The following LNPK variants were observed in gnomAD, a reference collection of about 807,000 sequenced individuals.
The protein encoded by LNPK is lunapark, ER junction formation factor, also known as endoplasmic reticulum junction formation protein lunapark.
In LNPK, 29 loss-of-function variants were observed where a neutral mutation model predicts 55.2. The ratio of observed to expected loss-of-function variants is 0.53; its 90% CI spans 0.39 to 0.72. LNPK has a LOEUF of 0.72. Among genes scored for constraint, LNPK ranks in the 30% least tolerant of loss-of-function variants. LNPK has a pLI of 0.00. For missense variants in LNPK, 467 were observed against 494.8 expected (o/e 0.94, Z 0.53); for synonymous variants, 162 against 168.2 (o/e 0.96, Z 0.29).
intron 4 of LNPK, among the ~76,000 whole-genome samples, chr2:175,991,711 A>G (rs1687709686): frequency 6.6e-6 from 1 of 152,228 alleles, no homozygotes; most frequent in Non-Finnish European, 1.5e-5. Flanking sequence ...TGACTGAATA[A>G]ACAAACTTTT....
At position 175,929,935 on chromosome 2, in the gene LNPK, A is replaced by C. The variant is rs763169494; in HGVS notation, c.*32T>G. On this transcript the variant is annotated 3_prime_UTR_variant, in exon 13 of 13. Transcript: ENST00000272748. ...AATAACTGACATCAGTAAGACTATA[A>C]ATATCCAGTTGAAGGCACGTGGAAG... The C allele has an allele frequency of 1.4e-5, 22 of 1,612,520 alleles. No individual in the cohort carries two copies. Among genetic ancestry groups the C allele is most frequent in the Non-Finnish European group, 1.9e-5 (22 of 1,179,104 alleles).
rs576271279 is a variant in LNPK at position 175,930,339 on chromosome 2, A to C, written c.1055-140T>G. ...ACACAAAGAAACCATACAATTGTCT[A>C]ACATTATCCTTAAAATCTTTTACAA... On this transcript the variant is annotated intron_variant, in intron 12 of 12. Transcript: ENST00000272748. The C allele has an allele frequency of 2.2e-4, 148 of 660,906 alleles. No homozygotes were observed. The East Asian group carries it at 4.0e-3, about 18-fold the overall frequency. 40.9% of individuals were successfully genotyped at this position (660,906 alleles called of 1,614,324 possible). A position where few individuals can be genotyped will look rare whatever the true frequency, so the allele number is the denominator to read the frequency against.
In LNPK at chr2:175,927,346, CATT is replaced by C. The variant is rs1245679111; in HGVS notation, c.*2618_*2620del. ...AAAATAAGACCCTTGCACAAACGGACATTATGTTGTGAAGACAGTAAACTAGCA... is the reference window on the plus strand; with the variant it reads ...AAAATAAGACCCTTGCACAAACGGACATGTTGTGAAGACAGTAAACTAGCA... On this transcript the variant is annotated 3_prime_UTR_variant, in exon 13 of 13. Coordinates refer to ENST00000272748, the MANE Select transcript of LNPK (RefSeq NM_030650.3). 2.0e-5 allele frequency: 3 copies of C among 152,316 alleles called. No individual in the cohort carries two copies. Among genetic ancestry groups the C allele is most frequent in the African/African-American group, 7.2e-5 (3 of 41,564 alleles). 9.4% of individuals were successfully genotyped at this position (152,316 alleles called of 1,614,324 possible). A position where few individuals can be genotyped will look rare whatever the true frequency, so the allele number is the denominator to read the frequency against.
intron 12 of LNPK, among the ~76,000 whole-genome samples, chr2:175,935,388 A>G (rs967420163): frequency 1.2e-4 from 19 of 152,174 alleles, no homozygotes; most frequent in African/African-American, 4.1e-4. Flanking sequence ...ATAGTTCAAT[A>G]TACTCATAAG....
intron 9 of LNPK, among the ~76,000 whole-genome samples, chr2:175,946,898 T>C (rs1477129612): frequency 6.6e-6 from 1 of 152,030 alleles, no homozygotes; most frequent in Non-Finnish European, 1.5e-5. Context: ...AATGGGATCT[T>C]CCCCTAGAGA....
chr2:175,967,148 A>T, intron 6 of LNPK, among the ~76,000 whole-genome samples: 1 of 152,300 alleles, frequency 6.6e-6, no homozygotes, highest in Non-Finnish European at 1.5e-5. Context: ...TTAAAACATT[A>T]TAACATTTTT....
intron 9 of LNPK, among the ~76,000 whole-genome samples, chr2:175,940,478 A>C (rs2105538932): frequency 6.6e-6 from 1 of 152,316 alleles, no homozygotes; most frequent in Admixed American, 6.5e-5. Context: ...GCATTCATAC[A>C]GGGCCAAGAA....
intron 9 of LNPK, among the ~76,000 whole-genome samples, chr2:175,945,935 T>C (rs1400192098): frequency 6.6e-6 from 1 of 152,176 alleles, no homozygotes; most frequent in Non-Finnish European, 1.5e-5. Context: ...TTCAAACATA[T>C]GGGAGCTCTG....
At chr2:175,986,315 T>C (rs1427490881) in intron 4 of LNPK, among the ~76,000 whole-genome samples, 1 of 152,050 alleles carries the variant, frequency 6.6e-6, no homozygotes, top group African/African-American at 2.4e-5. Context: ...TAACATTCTC[T>C]GAGAGCAATA....
intron 8 of LNPK, among the ~76,000 whole-genome samples, chr2:175,964,134 AC>A (rs1417623880): frequency 6.6e-6 from 1 of 152,214 alleles, no homozygotes; most frequent in Admixed American, 6.5e-5. Flanking sequence ...AAAGATTAAA[AC>A]CAATGATATA....
At chr2:175,953,650 C>T (rs956543830) in intron 8 of LNPK, among the ~76,000 whole-genome samples, 2 of 151,480 alleles carry the variant, frequency 1.3e-5, no homozygotes, top group South Asian at 4.2e-4. Flanking sequence ...TTTTCCCCAA[C>T]GCTATTGCTG....
At chr2:175,999,487 C>T (rs977778506) in intron 1 of LNPK, among the ~76,000 whole-genome samples, 2 of 152,228 alleles carry the variant, frequency 1.3e-5, no homozygotes, top group Non-Finnish European at 2.9e-5. Context: ...AGTGATTGCT[C>T]AATACAAACT....
intron 5 of LNPK, among the ~76,000 whole-genome samples, chr2:175,971,631 C>T (rs566173503): frequency 6.6e-6 from 1 of 152,098 alleles, no homozygotes; most frequent in Admixed American, 6.5e-5. Context: ...CCTGAATACC[C>T]AACTCAAAGT....
chr2:175,961,504 C>G (rs1232450106), intron 8 of LNPK, among the ~76,000 whole-genome samples: 5 of 152,118 alleles, frequency 3.3e-5, no homozygotes, highest in Non-Finnish European at 2.9e-5. Context: ...ATTCAACAGC[C>G]CTTCATGCTA....
intron 4 of LNPK, among the ~76,000 whole-genome samples, chr2:175,991,267 T>C (rs1687686443): frequency 6.6e-6 from 1 of 152,076 alleles, no homozygotes; most frequent in African/African-American, 2.4e-5. Flanking sequence ...TGAAAAAAGA[T>C]AAGGGAAACA....
At chr2:175,954,857 G>A (rs1027823016) in intron 8 of LNPK, among the ~76,000 whole-genome samples, 1 of 152,134 alleles carries the variant, frequency 6.6e-6, no homozygotes, top group African/African-American at 2.4e-5. Context: ...CATTGAAGGG[G>A]ATTCAGAGTT....
intron 8 of LNPK, among the ~76,000 whole-genome samples, chr2:175,962,437 A>G (rs1306238762): frequency 1.3e-5 from 2 of 152,208 alleles, no homozygotes; most frequent in Non-Finnish European, 2.9e-5. Flanking sequence ...AAACCTGACA[A>G]AAACAAGAAA....
chr2:175,964,623 T>C (rs779814902), intron 6 of LNPK, 34 bp from the exon 7 acceptor site: 1 of 1,109,986 alleles, frequency 9.0e-7, no homozygotes, highest in Admixed American at 1.7e-5. Context: ...TTGTCACACT[T>C]CAAAACACAC....
intron 8 of LNPK, among the ~76,000 whole-genome samples, chr2:175,948,638 C>T (rs1258020155): frequency 2.0e-5 from 3 of 152,188 alleles, no homozygotes; most frequent in African/African-American, 7.2e-5. Flanking sequence ...TTCAATTCTA[C>T]CTATCACATT....
Sources: allele counts gnomAD v4.1 joint callset (sites outside exome capture counted in the v4.1 genomes callset), GRCh38; gene constraint gnomAD v4.1.1; transcripts MANE v1.5; gene names NCBI Gene and HGNC (gene_info 2026-07-23, HGNC 2026-07-21).